Variants in SNTG1 observed in about 807,000 individuals in gnomAD.
The protein encoded by SNTG1 is gamma-1-syntrophin.
A neutral mutation model predicts 74.7 loss-of-function variants in SNTG1; 39 were observed. That is an observed-to-expected ratio of 0.52 (90% CI 0.40 to 0.68). The LOEUF is 0.68. Ranked by LOEUF, SNTG1 falls within the 30% of genes least tolerant of loss-of-function variation. The probability of loss-of-function intolerance (pLI) is 0.00; values close to 1 mark genes in which losing one functional copy is unlikely to be tolerated. For missense variants in SNTG1, 685 were observed against 609.5 expected (o/e 1.12, Z -1.30); for synonymous variants, 254 against 217.1 (o/e 1.17, Z -1.49).
Position 50,032,071 on chromosome 8 carries a change from G to C in SNTG1, c.-103+119840G>C, listed in dbSNP as rs993953296. Among the ~76,000 whole-genome samples, 6 of 152,062 alleles carry C rather than the reference G, an allele frequency of 3.9e-5. No homozygotes were observed. The East Asian group carries it at 1.2e-3, about 29-fold the overall frequency. On this transcript the variant is annotated intron_variant, in intron 1 of 18. Coordinates refer to ENST00000642720, the MANE Select transcript of SNTG1 (RefSeq NM_018967.5). ...ATTTTGTCTAGTTTATAAAATTTGTGTGTAGAGTTGTTTATAGTAATTCTT... is the reference window on the plus strand; with the variant it reads ...ATTTTGTCTAGTTTATAAAATTTGTCTGTAGAGTTGTTTATAGTAATTCTT...
intron 12 of SNTG1, among the ~76,000 whole-genome samples, chr8:50,587,634 G>T (rs187250064): frequency 6.7e-6 from 1 of 149,822 alleles, no homozygotes; most frequent in African/African-American, 2.5e-5. Flanking sequence ...AGACCAGACT[G>T]GCTAACATGG....
intron 1 of SNTG1, among the ~76,000 whole-genome samples, chr8:49,978,699 A>G (rs1203256927): frequency 6.6e-6 from 1 of 152,236 alleles, no homozygotes; most frequent in East Asian, 1.9e-4. Context: ...AATAAAAATA[A>G]GAAAAACAGC....
At chr8:50,037,209 C>T (rs1252531317) in intron 1 of SNTG1, among the ~76,000 whole-genome samples, 1 of 152,182 alleles carries the variant, frequency 6.6e-6, no homozygotes, top group African/African-American at 2.4e-5. Flanking sequence ...TGTTAAAGTG[C>T]AGATCATTAA....
chr8:50,549,533 A>G (rs1225895419), intron 11 of SNTG1, among the ~76,000 whole-genome samples: 1 of 151,964 alleles, frequency 6.6e-6, no homozygotes, highest in Non-Finnish European at 1.5e-5. Context: ...GATATTTCTA[A>G]AATATAAACA....
intron 12 of SNTG1, among the ~76,000 whole-genome samples, chr8:50,576,053 A>G (rs2094575012): frequency 6.6e-6 from 1 of 152,022 alleles, no homozygotes; most frequent in African/African-American, 2.4e-5. Context: ...CTTCCACACT[A>G]TTCCATTCTC....
chr8:50,110,985 C>T (rs980880033), intron 1 of SNTG1, among the ~76,000 whole-genome samples: 4 of 152,042 alleles, frequency 2.6e-5, no homozygotes, highest in Non-Finnish European at 5.9e-5. Flanking sequence ...CAAACTTAAC[C>T]AGGTATCATT....
At chr8:50,249,442 C>G (rs769227706) in intron 2 of SNTG1, among the ~76,000 whole-genome samples, 7 of 152,218 alleles carry the variant, frequency 4.6e-5, no homozygotes, top group Admixed American at 2.6e-4. Context: ...CCCCTGGACT[C>G]ACATGTACCT....
intron 1 of SNTG1, among the ~76,000 whole-genome samples, chr8:50,039,203 C>T (rs575438933): frequency 3.8e-4 from 58 of 152,190 alleles, no homozygotes; most frequent in African/African-American, 1.3e-3. Context: ...TGCCTGTAAT[C>T]CCAGCACTTT....
intron 12 of SNTG1, among the ~76,000 whole-genome samples, chr8:50,586,212 G>A (rs1030622825): frequency 5.3e-5 from 8 of 152,130 alleles, no homozygotes; most frequent in East Asian, 1.9e-4. Context: ...GGGAATTCAA[G>A]CTTACTTTAT....
At chr8:50,097,560 G>C (rs2079973621) in intron 1 of SNTG1, among the ~76,000 whole-genome samples, 1 of 151,798 alleles carries the variant, frequency 6.6e-6, no homozygotes, top group African/African-American at 2.4e-5. Context: ...GCTGAGGCAG[G>C]AGAATGGTGT....
chr8:50,016,667 A>T (rs1306109117), intron 1 of SNTG1, among the ~76,000 whole-genome samples: 1 of 152,190 alleles, frequency 6.6e-6, no homozygotes, highest in Admixed American at 6.6e-5. Context: ...CTTGAATAAG[A>T]AAATTGCTTG....
At chr8:50,712,658 C>G (rs1464466137) in intron 17 of SNTG1, among the ~76,000 whole-genome samples, 1 of 150,844 alleles carries the variant, frequency 6.6e-6, no homozygotes, top group Non-Finnish European at 1.5e-5. Context: ...CTCCCCATAT[C>G]CCCACCCCTC....
chr8:50,734,731 ATATATATGGACATGTATATAGATATC>A (rs2095521608), intron 17 of SNTG1, among the ~76,000 whole-genome samples: 1 of 87,716 alleles, frequency 1.1e-5, no homozygotes, highest in Non-Finnish European at 2.1e-5. Context: ...TTATATATCT[ATATATATGGACATGTATATAGATATC>A]TATATATATG....
intron 15 of SNTG1, among the ~76,000 whole-genome samples, chr8:50,675,504 T>A (rs1411823981): frequency 6.6e-6 from 1 of 151,900 alleles, no homozygotes; most frequent in Admixed American, 6.6e-5. Flanking sequence ...TTTTTCCATC[T>A]CCTTGGTAAA....
intron 1 of SNTG1, among the ~76,000 whole-genome samples, chr8:49,981,427 C>A (rs2130141574): frequency 1.6e-5 from 1 of 61,788 alleles, no homozygotes; most frequent in East Asian, 8.3e-4. Flanking sequence ...TGGAGGCAGG[C>A]TAGACTGAAA....
intron 2 of SNTG1, among the ~76,000 whole-genome samples, chr8:50,310,854 A>G (rs1269330216): frequency 6.6e-6 from 1 of 152,224 alleles, no homozygotes; most frequent in Non-Finnish European, 1.5e-5. Flanking sequence ...CATTTCCCAT[A>G]TATAAAGAAT....
At chr8:50,460,804 G>C (rs1213048385) in intron 8 of SNTG1, among the ~76,000 whole-genome samples, 1 of 151,996 alleles carries the variant, frequency 6.6e-6, no homozygotes, top group Non-Finnish European at 1.5e-5. Flanking sequence ...TGGGCATATG[G>C]TTTTATATCT....
At chr8:50,484,978 G>T (rs575297683) in intron 8 of SNTG1, among the ~76,000 whole-genome samples, 3 of 152,058 alleles carry the variant, frequency 2.0e-5, no homozygotes, top group Admixed American at 1.3e-4. Flanking sequence ...CATTTCATGC[G>T]CAATGATTGC....
chr8:50,427,179 T>C (rs2093173885), intron 4 of SNTG1, among the ~76,000 whole-genome samples: 2 of 152,164 alleles, frequency 1.3e-5, no homozygotes, highest in Admixed American at 1.3e-4. Context: ...ATCAATGTTA[T>C]TTCTTAGTTT....
Sources: allele counts gnomAD v4.1 joint callset (sites outside exome capture counted in the v4.1 genomes callset), GRCh38; gene constraint gnomAD v4.1.1; transcripts MANE v1.5; gene names NCBI Gene and HGNC (gene_info 2026-07-23, HGNC 2026-07-21).